Variants in PTPRM observed in about 807,000 individuals in gnomAD.
PTPRM encodes protein tyrosine phosphatase receptor type M.
Under a neutral mutation model 186.7 loss-of-function variants are expected in PTPRM, and 47 were observed. That is an observed-to-expected ratio of 0.25 (90% CI 0.20 to 0.32). PTPRM has a LOEUF of 0.32. Among genes scored for constraint, PTPRM ranks in the 10% least tolerant of loss-of-function variants. PTPRM has a pLI of 1.00. For missense variants in PTPRM, 1,494 were observed against 1,865.0 expected (o/e 0.80, Z 3.66); for synonymous variants, 668 against 674.9 (o/e 0.99, Z 0.16).
At chr18:8,062,984 A>G (rs1398995233) in intron 7 of PTPRM, among the ~76,000 whole-genome samples, 9 of 149,530 alleles carry the variant, frequency 6.0e-5, no homozygotes, top group East Asian at 2.0e-4. Context: ...GGTGGGCTCC[A>G]CCCAGTTCGA....
intron 1 of PTPRM, among the ~76,000 whole-genome samples, chr18:7,739,649 G>C (rs2144493970): frequency 6.6e-6 from 1 of 152,296 alleles, no homozygotes; most frequent in East Asian, 1.9e-4. Flanking sequence ...TTCCTAGTTT[G>C]TCTAGTTTGT....
rs181411786 is a variant in PTPRM at position 8,225,813 on chromosome 18, T to A, written c.2301-18245T>A. Among the ~76,000 whole-genome samples, 9 of 152,354 alleles carry A rather than the reference T, an allele frequency of 5.9e-5. No homozygotes were observed. In the East Asian group the frequency reaches 1.7e-3, roughly 29 times the overall value. The stretch of plus-strand genomic sequence containing the variant: ...CATTTGAGTATATCAAAATTATAAA[T>A]TTCTGTATACCAAAAGATAACCATA... On this transcript the variant is annotated intron_variant, in intron 14 of 32. Coordinates refer to ENST00000580170, the MANE Select transcript of PTPRM (RefSeq NM_001105244.2).
chr18:8,144,245 G>A lies in PTPRM; in HGVS notation c.2300+466G>A, dbSNP rs1044142257. Among the ~76,000 whole-genome samples, 3 of 152,184 alleles carry A rather than the reference G, an allele frequency of 2.0e-5. No homozygotes were observed. The East Asian group carries it at 5.8e-4, about 29-fold the overall frequency. ...GGAAGGTCATCAGCACAACATCCAT[G>A]AGAAAGAGAACCCGCAAAAACAGCC... On this transcript the variant is annotated intron_variant, in intron 14 of 32. Transcript: ENST00000580170.
intron 14 of PTPRM, among the ~76,000 whole-genome samples, chr18:8,234,452 T>C (rs557513272): frequency 5.3e-4 from 80 of 152,314 alleles, no homozygotes; most frequent in African/African-American, 1.6e-3. Context: ...CCTTGCTACA[T>C]TTGCTTATTA....
intron 14 of PTPRM, among the ~76,000 whole-genome samples, chr18:8,215,077 T>C (rs2094061133): frequency 6.6e-6 from 1 of 152,148 alleles, no homozygotes; most frequent in South Asian, 2.1e-4. Flanking sequence ...TTTTAAAAAA[T>C]ACCTTCCCTA....
intron 7 of PTPRM, among the ~76,000 whole-genome samples, chr18:8,016,530 C>CAAA (rs563624187): frequency 1.4e-5 from 1 of 70,206 alleles, no homozygotes; most frequent in African/African-American, 5.1e-5. Flanking sequence ...AAGAGTCTGT[C>CAAA]AAAAAAAAAA....
chr18:7,743,901 AAG>A (rs2040932835), intron 1 of PTPRM, among the ~76,000 whole-genome samples: 1 of 152,194 alleles, frequency 6.6e-6, no homozygotes, highest in Non-Finnish European at 1.5e-5. Context: ...GCTCTTTTCT[AAG>A]AGGCTTCATG....
chr18:7,647,114 A>G (rs1481924600), intron 1 of PTPRM, among the ~76,000 whole-genome samples: 4 of 152,124 alleles, frequency 2.6e-5, no homozygotes, highest in Admixed American at 2.0e-4. Context: ...AATTCAGGGT[A>G]CCATTTTCTT....
intron 9 of PTPRM, 96 bp downstream of exon 9, chr18:8,076,660 A>G (rs1390156027): frequency 1.7e-6 from 1 of 603,120 alleles, no homozygotes; most frequent in African/African-American, 2.0e-5. Flanking sequence ...CTTACATAAT[A>G]TATTTTAAGA....
chr18:7,752,935 T>C (rs2041291008), intron 1 of PTPRM, among the ~76,000 whole-genome samples: 1 of 152,174 alleles, frequency 6.6e-6, no homozygotes, highest in South Asian at 2.1e-4. Context: ...TTGTAAGTAT[T>C]CTTTCTGTCT....
At chr18:8,235,999 C>G (rs1026713166) in intron 14 of PTPRM, among the ~76,000 whole-genome samples, 6 of 152,150 alleles carry the variant, frequency 3.9e-5, no homozygotes, top group African/African-American at 1.4e-4. Context: ...ATGATGCGGT[C>G]TATCTGGTGA....
intron 19 of PTPRM, among the ~76,000 whole-genome samples, chr18:8,256,401 G>T (rs1398901189): frequency 6.6e-6 from 1 of 152,154 alleles, no homozygotes; most frequent in African/African-American, 2.4e-5. Context: ...ACCTCAAAAG[G>T]TTGTTGTGAG....
chr18:8,330,211 A>G (rs1335633853), intron 22 of PTPRM, among the ~76,000 whole-genome samples: 1 of 152,178 alleles, frequency 6.6e-6, no homozygotes, highest in Non-Finnish European at 1.5e-5. Flanking sequence ...TCTGGGCACC[A>G]GGTTTCTTTT....
intron 1 of PTPRM, among the ~76,000 whole-genome samples, chr18:7,703,885 G>A (rs648375): frequency 0.012 from 1,764 of 152,084 alleles, 38 homozygotes; most frequent in African/African-American, 0.039. Flanking sequence ...AGCATGAAGG[G>A]GTGTTGAATT....
At chr18:8,398,818 C>T (rs1157696998) in intron 32 of PTPRM, among the ~76,000 whole-genome samples, 1 of 150,704 alleles carries the variant, frequency 6.6e-6, no homozygotes, top group East Asian at 1.9e-4. Context: ...GCCACATATT[C>T]TATGACTCCT....
At chr18:7,661,888 A>G (rs752464605) in intron 1 of PTPRM, among the ~76,000 whole-genome samples, 5 of 152,020 alleles carry the variant, frequency 3.3e-5, no homozygotes, top group Admixed American at 3.3e-4. Context: ...CTTATTTTTA[A>G]TGGCAATATA....
intron 4 of PTPRM, among the ~76,000 whole-genome samples, chr18:7,913,194 C>T (rs28854345): frequency 0.31 from 46,577 of 151,352 alleles, 8,214 homozygotes; most frequent in African/African-American, 0.47. Flanking sequence ...TCTTGTATCC[C>T]GAGATCTTGA....
chr18:7,840,584 C>T (rs1448454781), intron 2 of PTPRM, among the ~76,000 whole-genome samples: 1 of 152,178 alleles, frequency 6.6e-6, no homozygotes, highest in African/African-American at 2.4e-5. Context: ...GGCAGTGTGT[C>T]TGTTATTTTC....
chr18:8,274,810 T>C (rs1010571865), intron 19 of PTPRM, among the ~76,000 whole-genome samples: 4 of 152,278 alleles, frequency 2.6e-5, no homozygotes, highest in South Asian at 4.1e-4. Context: ...GAAACATCCC[T>C]CCAATGTCCT....
Sources: gnomAD v4.1 joint callset for allele counts (sites outside exome capture counted in the v4.1 genomes callset) on GRCh38, gnomAD v4.1.1 for gene constraint, MANE v1.5 for transcripts, NCBI Gene and HGNC (gene_info 2026-07-23, HGNC 2026-07-21) for gene names.